The following FRYL variants were observed in gnomAD, a reference collection of about 807,000 sequenced individuals.
FRYL encodes FRY like transcription coactivator.
Under a neutral mutation model 351.2 loss-of-function variants are expected in FRYL, and 150 were observed. That is an observed-to-expected ratio of 0.43 (90% CI 0.37 to 0.49). The LOEUF is 0.49. Among genes scored for constraint, FRYL ranks in the 20% least tolerant of loss-of-function variants. FRYL has a pLI of 0.00. For synonymous variants in FRYL, 1,153 were observed against 1,257.1 expected (o/e 0.92, Z 1.75); for missense variants, 3,036 against 3,619.3 (o/e 0.84, Z 4.13).
At chr4:48,708,187 G>A (rs1426884251) in intron 2 of FRYL, among the ~76,000 whole-genome samples, 2 of 151,418 alleles carry the variant, frequency 1.3e-5, no homozygotes, top group African/African-American at 4.8e-5. Flanking sequence ...GCTGAGGCAG[G>A]AGAATCGCTT....
At position 48,595,528 on chromosome 4, in the gene FRYL, G is replaced by C. The variant is rs1201316079; in HGVS notation, c.1248+62C>G. On this transcript the variant is annotated intron_variant, in intron 15 of 63. Transcript: ENST00000358350. Reference sequence around the variant, plus strand: ...TGCATAAAAAATTTCAAAGCTCCAAGTGATTACAATAGATTACTCTAACAA... The same window carrying C: ...TGCATAAAAAATTTCAAAGCTCCAACTGATTACAATAGATTACTCTAACAA... 4 of 904,370 alleles carry C rather than the reference G, an allele frequency of 4.4e-6. No individual in the cohort carries two copies. The Admixed American group carries it at 8.4e-5, about 19-fold the overall frequency. 56.0% of individuals were successfully genotyped at this position (904,370 alleles called of 1,614,324 possible).
chr4:48,581,660 G>A (rs992441728), intron 20 of FRYL, 55 bp from the exon 21 acceptor site: 115 of 1,408,896 alleles, frequency 8.2e-5, no homozygotes, highest in Non-Finnish European at 9.9e-5. Context: ...AGACATTTCC[G>A]AAAAACAGTT....
chr4:48,531,453 A>T (rs1205861870), intron 49 of FRYL, 100 bp from the exon 50 acceptor site: 3 of 727,330 alleles, frequency 4.1e-6, no homozygotes, highest in South Asian at 1.9e-5. Flanking sequence ...CTACAAAAAT[A>T]CTTGTAAAAA....
intron 55 of FRYL, 26 bp downstream of exon 55, chr4:48,521,022 A>G: frequency 6.3e-7 from 1 of 1,576,592 alleles, no homozygotes. Context: ...CAGATTGGCC[A>G]TGCACCAGCC....
intron 1 of FRYL, among the ~76,000 whole-genome samples, chr4:48,714,367 A>G (rs1248234615): frequency 7.4e-6 from 1 of 134,436 alleles, no homozygotes; most frequent in Admixed American, 7.8e-5. Context: ...AAATTGATAG[A>G]CCGCTAGCAA....
Position 48,544,817 on chromosome 4 carries a change from T to C in FRYL, c.5367A>G (p.Lys1789=). 1 of 1,606,772 alleles carries C rather than the reference T, an allele frequency of 6.2e-7. No individual in the cohort carries two copies. The highest frequency in any genetic ancestry group is 8.5e-7 in the Non-Finnish European group (1 of 1,177,464). Residue 1789 remains lysine (K), a synonymous_variant, in exon 43 of 64, where the codon AAA becomes AAG. Coordinates refer to ENST00000358350, the MANE Select transcript of FRYL (RefSeq NM_015030.2). The part of the protein sequence containing the change: ...KSAEQLTTFL[K]HVVSVFKQSS... The stretch of plus-strand genomic sequence containing the variant: ...ACTGCTTAAAAACAGAAACCACATG[T>C]TTCAAAAATGTAGTTAACTGTTCAG...
chr4:48,720,279 T>C (rs1769326803), intron 1 of FRYL, among the ~76,000 whole-genome samples: 1 of 151,896 alleles, frequency 6.6e-6, no homozygotes, highest in Admixed American at 6.6e-5. Context: ...GGGGAGATCA[T>C]GAGGTCAGGA....
At position 48,521,234 on chromosome 4, in the gene FRYL, A is replaced by C. The variant is rs1172568904; in HGVS notation, c.7522-19T>G. The C allele has an allele frequency of 6.4e-7, 1 of 1,568,772 alleles. No individual in the cohort carries two copies. Among genetic ancestry groups the C allele is most frequent in the South Asian group, 1.2e-5 (1 of 84,994 alleles). ...TGTTTAACTAAAAAGAGAAAGAGTA[A>C]AATAAGGAATTCATTTATGAGTCAA... is the stretch of plus-strand genomic sequence containing the variant. On this transcript the variant is annotated intron_variant, in intron 54 of 63. Coordinates refer to ENST00000358350, the MANE Select transcript of FRYL (RefSeq NM_015030.2).
Position 48,528,371 on chromosome 4 carries a change from A to G in FRYL, c.6904-35T>C, listed in dbSNP as rs1726739631. Reference sequence around the variant, plus strand: ...AACAAAATGTCAGTGTTTGGCTCAAATATTTCAACATAAAAGAAACTTAAA... The same window carrying G: ...AACAAAATGTCAGTGTTTGGCTCAAGTATTTCAACATAAAAGAAACTTAAA... On this transcript the variant is annotated intron_variant, in intron 50 of 63. Coordinates refer to ENST00000358350, the MANE Select transcript of FRYL (RefSeq NM_015030.2). The G allele has an allele frequency of 4.5e-6, 7 of 1,545,216 alleles. No individual in the cohort carries two copies. In the East Asian group the frequency reaches 1.6e-4, roughly 35 times the overall value.
At chr4:48,630,772 C>T (rs1752817992) in intron 4 of FRYL, among the ~76,000 whole-genome samples, 2 of 152,086 alleles carry the variant, frequency 1.3e-5, no homozygotes, top group Non-Finnish European at 2.9e-5. Context: ...AAAGCCAATT[C>T]TCTCATTTTA....
chr4:48,540,497 A>G lies in FRYL; in HGVS notation c.6151T>C (p.Leu2051=). 6.2e-7 allele frequency: 1 copy of G among 1,614,054 alleles called. No individual in the cohort carries two copies. Among genetic ancestry groups the G allele is most frequent in the Non-Finnish European group, 8.5e-7 (1 of 1,179,946 alleles). Residue 2051 remains leucine, a synonymous_variant, in exon 46 of 64, where the codon TTG becomes CTG. Transcript: ENST00000358350. The stretch of plus-strand genomic sequence containing the variant: ...AGTCCTGGAAAATTAGTCCATTTCA[A>G]TTTGCTTTGTACATTTTCAATCTTC... ...REKIENVQSK[L]KWTNFPGLQQ...
chr4:48,611,976 A>G (rs1748299827), intron 7 of FRYL, among the ~76,000 whole-genome samples: 1 of 152,194 alleles, frequency 6.6e-6, no homozygotes, highest in Non-Finnish European at 1.5e-5. Context: ...GAAGGAGATC[A>G]GGTATGTCAC....
chr4:48,549,707 T>A lies in FRYL; in HGVS notation c.4634-84A>T. 2 of 1,150,668 alleles carry A rather than the reference T, an allele frequency of 1.7e-6. No individual in the cohort carries two copies. Among genetic ancestry groups the A allele is most frequent in the Non-Finnish European group, 2.5e-6 (2 of 802,440 alleles). The allele number at this position is 1,150,668 out of a possible 1,614,324, so 71.3% of individuals were successfully genotyped here. On this transcript the variant is annotated intron_variant, in intron 38 of 63. Transcript: ENST00000358350. This position sits in a 1 kb window ranked among gnomAD's most constrained non-coding sequence, Gnocchi z 4.2. ...ACTCTAGTAAGATCCCAACTATTTA[T>A]ATAGTATTGGAAAGTGATAAAAAAA...
intron 2 of FRYL, among the ~76,000 whole-genome samples, chr4:48,708,345 T>C (rs766325752): frequency 5.9e-5 from 9 of 151,868 alleles, no homozygotes; most frequent in Non-Finnish European, 7.4e-5. Flanking sequence ...CACACACCTG[T>C]CATCCCAGCT....
chr4:48,547,479 T>C (rs1025501286), intron 41 of FRYL, 105 bp downstream of exon 41: 4 of 523,382 alleles, frequency 7.6e-6, no homozygotes, highest in African/African-American at 3.9e-5. Flanking sequence ...ATTTTTAAAA[T>C]GTTCTCTAGT....
intron 3 of FRYL, among the ~76,000 whole-genome samples, chr4:48,677,890 C>T (rs1763982614): frequency 6.6e-6 from 1 of 152,126 alleles, no homozygotes; most frequent in Non-Finnish European, 1.5e-5. Context: ...ATGAACAAAA[C>T]TGTAACACCC....
In FRYL at chr4:48,501,634, T is replaced by A. The variant is rs1273154764; in HGVS notation, c.8581A>T (p.Asn2861Tyr). ...AACTGAATATTTACCTCTGCTTCAT[T>A]TTTTATCGTATTTACTTGGTTGATA... ...KLINQVNTIK[N>Y]EAEVINMSEE... Residue 2861 changes from asparagine to tyrosine, a missense_variant, in exon 62 of 64, where the codon AAT (asparagine) becomes TAT (tyrosine). By Grantham distance (143) the Asn-to-Tyr change is moderately radical. Coordinates refer to ENST00000358350, the MANE Select transcript of FRYL (RefSeq NM_015030.2). The A allele has an allele frequency of 8.8e-6, 14 of 1,582,560 alleles. No homozygotes were observed. The highest frequency in any genetic ancestry group is 1.7e-4 in the Middle Eastern group (1 of 6,016).
intron 7 of FRYL, among the ~76,000 whole-genome samples, chr4:48,616,844 G>C (rs1406425320): frequency 6.6e-6 from 1 of 152,058 alleles, no homozygotes; most frequent in Non-Finnish European, 1.5e-5. Flanking sequence ...ATTATATGGG[G>C]CAAAAGTAAA....
At chr4:48,598,833 AG>A in intron 13 of FRYL, 2 of 984,244 alleles carry the variant, frequency 2.0e-6, no homozygotes, top group Non-Finnish European at 2.4e-6. Flanking sequence ...ACTCACCTGG[AG>A]TGTTTCTATT....
Sources: allele counts gnomAD v4.1 joint callset (sites outside exome capture counted in the v4.1 genomes callset), GRCh38; gene constraint gnomAD v4.1.1; non-coding constraint Gnocchi (gnomAD v3.1); transcripts MANE v1.5; gene names NCBI Gene and HGNC (gene_info 2026-07-23, HGNC 2026-07-21).